The following UACA variants were observed in gnomAD, a reference collection of about 807,000 sequenced individuals.
UACA encodes the protein nuclear membrane binding protein.
A neutral mutation model predicts 160.5 loss-of-function variants in UACA; 112 were observed. The observed-to-expected ratio is 0.70, with a 90% confidence interval of 0.60 to 0.82. The LOEUF (loss-of-function observed/expected upper bound fraction) is 0.82, where lower values mean the gene tolerates loss of function less well. UACA is among the 40% of genes least tolerant of loss of function. The probability of loss-of-function intolerance (pLI) is 0.00; values close to 1 mark genes in which losing one functional copy is unlikely to be tolerated. For missense variants in UACA, 1,574 were observed against 1,614.6 expected, an observed-to-expected ratio of 0.97 and a Z score of 0.43; for synonymous variants, 557 against 568.4, an observed-to-expected ratio of 0.98 and a Z score of 0.29.
At chr15:70,692,922 C>G (rs1047222028) in intron 3 of UACA, among the ~76,000 whole-genome samples, 1 of 152,154 alleles carries the variant, frequency 6.6e-6, no homozygotes, top group African/African-American at 2.4e-5. Context: ...GGTTGCAGAA[C>G]AAAACATAGT....
At chr15:70,703,205 T>A (rs1898426127) in intron 1 of UACA, 1 of 1,289,046 alleles carries the variant, frequency 7.8e-7, no homozygotes, top group Admixed American at 2.3e-5. Flanking sequence ...TTTAACCATG[T>A]TCTCATTACC....
Position 70,746,221 on chromosome 15 carries a change from T to C in UACA, c.78+17109A>G, listed in dbSNP as rs143532530. On this transcript the variant is annotated intron_variant, in intron 1 of 18. Transcript: ENST00000322954. ...CAACATACAGAATGGGAGAAAATTTTTGCAATCTATCCATCTGACAAAGGG... is the reference window on the plus strand; with the variant it reads ...CAACATACAGAATGGGAGAAAATTTCTGCAATCTATCCATCTGACAAAGGG... Among the ~76,000 whole-genome samples the C allele has an allele frequency of 3.3e-5, 5 of 152,298 alleles. No individual in the cohort carries two copies. In the East Asian group the frequency reaches 7.7e-4, roughly 24 times the overall value.
upstream of UACA, chr15:70,768,080 G>A (rs912388780): frequency 9.9e-5 from 15 of 152,166 alleles, no homozygotes; most frequent in Non-Finnish European, 1.9e-4. Flanking sequence ...AGAATGAGAA[G>A]AAGAAAAAGG....
At chr15:70,751,426 T>C (rs1406820748) in intron 1 of UACA, among the ~76,000 whole-genome samples, 1 of 152,196 alleles carries the variant, frequency 6.6e-6, no homozygotes, top group Non-Finnish European at 1.5e-5. Flanking sequence ...AGGACAACAA[T>C]GGCATGACCT....
chr15:70,680,694 A>G (rs1429256656), intron 9 of UACA, among the ~76,000 whole-genome samples: 1 of 152,196 alleles, frequency 6.6e-6, no homozygotes, highest in East Asian at 1.9e-4. Context: ...CACTGCCTCC[A>G]CTATATCCTA....
At position 70,690,381 on chromosome 15, in the gene UACA, TA is replaced by T. The variant is rs894293825; in HGVS notation, c.424+72del. 10 of 1,381,366 alleles carry T rather than the reference TA, an allele frequency of 7.2e-6. No individual in the cohort carries two copies. In the African/African-American group the frequency reaches 1.4e-4, roughly 20 times the overall value. 85.6% of individuals were successfully genotyped at this position (1,381,366 alleles called of 1,614,324 possible). ...ATGAATTATATAAATATCTATGTGT[TA>T]AAACCCTGAAATTAATTCAAATGAC... On this transcript the variant is annotated intron_variant, in intron 5 of 18. Transcript: ENST00000322954.
chr15:70,768,859 G>A, the UACA span, among the ~76,000 whole-genome samples: 10 of 152,244 alleles, frequency 6.6e-5, no homozygotes, highest in Middle Eastern at 3.4e-3. Flanking sequence ...GATTTTAAAT[G>A]ATGGTTTTAC....
rs1166259647 is a variant in UACA at position 70,761,120 on chromosome 15, T to C, written c.78+2210A>G. Among the ~76,000 whole-genome samples the C allele has an allele frequency of 2.0e-5, 3 of 151,972 alleles. No homozygotes were observed. The South Asian group carries it at 6.2e-4, about 32-fold the overall frequency. On this transcript the variant is annotated intron_variant, in intron 1 of 18. Coordinates refer to ENST00000322954, the MANE Select transcript of UACA (RefSeq NM_018003.4). ...TGAATGGGGAGCCTCTATTTACAGT[T>C]TTAAAAAAAAAAGTCCAAGATATGA...
At chr15:70,765,639 A>G (rs1352093902), upstream of UACA, among the ~76,000 whole-genome samples, 1 of 152,266 alleles carries the variant, frequency 6.6e-6, no homozygotes, top group Admixed American at 6.5e-5. Context: ...AGCATGTTAT[A>G]GGTGTTTAAT....
At chr15:70,763,675 G>C, upstream of UACA, 1 of 452,634 alleles carries the variant, frequency 2.2e-6, no homozygotes. Context: ...TTTAAACTGA[G>C]TAACACCCTT....
chr15:70,676,671 T>C (rs575492170), intron 12 of UACA, 80 bp from the exon 13 acceptor site: 178 of 1,197,624 alleles, frequency 1.5e-4, no homozygotes, highest in Non-Finnish European at 1.8e-4. Flanking sequence ...AAAACGTGAA[T>C]TGGAATTGCA....
chr15:70,716,785 G>GCACACTGT (rs1384450676), intron 1 of UACA, among the ~76,000 whole-genome samples: 1 of 152,078 alleles, frequency 6.6e-6, no homozygotes, highest in Non-Finnish European at 1.5e-5. Flanking sequence ...AGATATGCAA[G>GCACACTGT]TATTCATTTA....
rs34361847 is a variant in UACA at position 70,700,318 on chromosome 15, T to TACACACACACACAC, written c.79-672_79-659dup. Reference sequence around the variant, plus strand: ...GGCAAATTGTATATATATATATATATACACACACACACACACACACACATT... The same window carrying TACACACACACACAC: ...GGCAAATTGTATATATATATATATATACACACACACACACACACACACACACACACACACACATT... On this transcript the variant is annotated intron_variant, in intron 1 of 18. Transcript: ENST00000322954. Among the ~76,000 whole-genome samples, 215 of 139,812 alleles carry TACACACACACACAC rather than the reference T, an allele frequency of 1.5e-3. 6 individuals carry two copies. Among genetic ancestry groups the TACACACACACACAC allele is most frequent in the African/African-American group, 5.9e-3 (202 of 34,352 alleles). The allele number at this position is 139,812 out of a possible 152,430, so 91.7% of individuals were successfully genotyped here.
At chr15:70,722,388 GCT>G (rs1219791347) in intron 1 of UACA, among the ~76,000 whole-genome samples, 5 of 151,938 alleles carry the variant, frequency 3.3e-5, no homozygotes, top group African/African-American at 1.2e-4. Context: ...CACCACAGTA[GCT>G]CATCATGGCC....
rs189956346 is a variant in UACA at position 70,678,830 on chromosome 15, T to C, written c.892-624A>G. 4.2e-4 allele frequency among the ~76,000 whole-genome samples: 64 copies of C among 152,258 alleles called. No homozygotes were observed. In the East Asian group the frequency reaches 0.012, roughly 28 times the overall value. On this transcript the variant is annotated intron_variant, in intron 10 of 18. Coordinates refer to ENST00000322954, the MANE Select transcript of UACA (RefSeq NM_018003.4). ...GCCAAAAAGTACTGTGTGGTTAGTT[T>C]AACAAAATTATTTTTCTCAATCAAA... is the stretch of plus-strand genomic sequence containing the variant.
At chr15:70,671,840 TG>T in intron 14 of UACA, 124 bp downstream of exon 14, 2 of 631,658 alleles carry the variant, frequency 3.2e-6, no homozygotes, top group Non-Finnish European at 4.9e-6. Context: ...TTCCATGTGC[TG>T]ATGAAGTTTA....
At chr15:70,678,065 A>C in intron 11 of UACA, 34 bp downstream of exon 11, 1 of 1,443,864 alleles carries the variant, frequency 6.9e-7, no homozygotes, top group African/African-American at 1.4e-5. Context: ...ATATAGTAAG[A>C]CAGTTTATTT....
chr15:70,698,573 G>A (rs879275250), intron 2 of UACA, among the ~76,000 whole-genome samples: 2 of 152,114 alleles, frequency 1.3e-5, no homozygotes, highest in African/African-American at 2.4e-5. Context: ...TAGTCCTGCT[G>A]TTATCTTTAC....
At chr15:70,716,970 C>A (rs992782786) in intron 1 of UACA, among the ~76,000 whole-genome samples, 7 of 152,052 alleles carry the variant, frequency 4.6e-5, no homozygotes, top group African/African-American at 1.7e-4. Context: ...GCTTGTAATC[C>A]TAGCATTCTG....
Sources: gnomAD v4.1 joint callset for allele counts (sites outside exome capture counted in the v4.1 genomes callset) on GRCh38, gnomAD v4.1.1 for gene constraint, MANE v1.5 for transcripts, NCBI Gene and HGNC (gene_info 2026-07-23, HGNC 2026-07-21) for gene names.